The following PCDHA12 variants were observed in gnomAD, a reference collection of about 807,000 sequenced individuals.
PCDHA12 encodes the protein protocadherin alpha 12, also known as protocadherin alpha-12.
A neutral mutation model predicts 60.0 loss-of-function variants in PCDHA12; 44 were observed. The ratio of observed to expected loss-of-function variants is 0.73; its 90% CI spans 0.58 to 0.94. The LOEUF (loss-of-function observed/expected upper bound fraction) is 0.94, where lower values mean the gene tolerates loss of function less well. Ranked by LOEUF, PCDHA12 falls within the 40% of genes least tolerant of loss-of-function variation. The pLI, the probability that PCDHA12 is intolerant of heterozygous loss-of-function variation, is 0.00. For synonymous variants in PCDHA12, 569 were observed against 553.0 expected, an observed-to-expected ratio of 1.03 and a Z score of -0.40; for missense variants, 1,276 against 1,239.7, an observed-to-expected ratio of 1.03 and a Z score of -0.44.
At chr5:140,955,669 G>C (rs1031483633) in intron 1 of PCDHA12, among the ~76,000 whole-genome samples, 2 of 152,094 alleles carry the variant, frequency 1.3e-5, no homozygotes, top group African/African-American at 4.8e-5. Flanking sequence ...TTTTAACATA[G>C]TTTTTTCGAA....
intron 1 of PCDHA12, chr5:140,882,766 G>T: frequency 1.2e-6 from 2 of 1,614,184 alleles, no homozygotes; most frequent in South Asian, 2.2e-5. Context: ...GAGTAAACTC[G>T]GCATTGACCT....
chr5:140,977,890 A>C (rs1554238866), intron 1 of PCDHA12, among the ~76,000 whole-genome samples: 3 of 152,234 alleles, frequency 2.0e-5, no homozygotes, highest in Non-Finnish European at 4.4e-5. Flanking sequence ...AGGAAAATAC[A>C]AAATACAACT....
At chr5:140,913,749 G>T (rs1166280044) in intron 1 of PCDHA12, among the ~76,000 whole-genome samples, 22 of 152,098 alleles carry the variant, frequency 1.4e-4, no homozygotes, top group Middle Eastern at 3.4e-3. Context: ...TCCTTTTGTT[G>T]TATCTCATAG....
intron 1 of PCDHA12, among the ~76,000 whole-genome samples, chr5:140,925,170 A>G (rs2153576816): frequency 6.6e-6 from 1 of 152,194 alleles, no homozygotes; most frequent in East Asian, 1.9e-4. Flanking sequence ...TGTGTAATTG[A>G]CCCCAATGTA....
In PCDHA12 at chr5:140,969,008, G is replaced by C. The variant is rs782541476; in HGVS notation, c.2368-9941G>C. 29 of 1,614,076 alleles carry C rather than the reference G, an allele frequency of 1.8e-5. 1 individual carries two copies. In the Admixed American group the frequency reaches 4.8e-4, roughly 27 times the overall value. Reference sequence around the variant, plus strand: ...TGCATGCTGTGGAGGCTTCTGTGGAGTAAGGGAAAGGTCCCCTGCAGAACT... The same window carrying C: ...TGCATGCTGTGGAGGCTTCTGTGGACTAAGGGAAAGGTCCCCTGCAGAACT... On this transcript the variant is annotated intron_variant, in intron 1 of 3. Coordinates refer to ENST00000398631, the MANE Select transcript of PCDHA12 (RefSeq NM_018903.4).
chr5:141,002,853 G>C (rs781830862), intron 3 of PCDHA12, among the ~76,000 whole-genome samples: 1 of 152,184 alleles, frequency 6.6e-6, no homozygotes, highest in Non-Finnish European at 1.5e-5. Context: ...ACTAGTGAGA[G>C]AACCAGGGCA....
intron 1 of PCDHA12, chr5:140,969,449 AG>A (rs1470034134): frequency 2.8e-5 from 43 of 1,510,842 alleles, no homozygotes; most frequent in Non-Finnish European, 3.2e-5. Flanking sequence ...TGGTAAACTG[AG>A]TATATATAGT....
chr5:140,923,152 T>C (rs2153567399), intron 1 of PCDHA12, among the ~76,000 whole-genome samples: 1 of 152,204 alleles, frequency 6.6e-6, no homozygotes, highest in South Asian at 2.1e-4. Context: ...TAAAAAAAAT[T>C]ATAGAAAGAT....
chr5:140,975,752 A>G (rs577986836), intron 1 of PCDHA12, among the ~76,000 whole-genome samples: 2 of 152,320 alleles, frequency 1.3e-5, no homozygotes, highest in East Asian at 1.9e-4. Flanking sequence ...CAAATATTCT[A>G]TGTCATAAAT....
chr5:140,928,105 C>T, intron 1 of PCDHA12: 6 of 1,614,150 alleles, frequency 3.7e-6, no homozygotes, highest in Middle Eastern at 1.6e-4. Flanking sequence ...GCCCCTGGAC[C>T]GGGAGCAGAT....
chr5:140,876,531 T>G lies in PCDHA12; in HGVS notation c.1059T>G (p.Thr353=). Residue 353 remains threonine (T), a synonymous_variant, in exon 1 of 4, where the codon ACT becomes ACG. Coordinates refer to ENST00000398631, the MANE Select transcript of PCDHA12 (RefSeq NM_018903.4). The stretch of plus-strand genomic sequence containing the variant: ...ACAATGTCCCTGAAGTAATGGTTAC[T>G]TCACTGTCGCTCCCTGTGCAAGAGG... The part of the protein sequence containing the change: ...VNDNVPEVMV[T]SLSLPVQEDA... The G allele has an allele frequency of 6.2e-7, 1 of 1,614,200 alleles. No individual in the cohort carries two copies. Among genetic ancestry groups the G allele is most frequent in the South Asian group, 1.1e-5 (1 of 91,082 alleles).
rs73793540 is a variant in PCDHA12, at chr5:140,959,705, G to T, written c.2368-19244G>T. 8.9e-3 allele frequency among the ~76,000 whole-genome samples: 1,358 copies of T among 152,238 alleles called. 14 individuals are homozygous for T. The highest frequency in any genetic ancestry group is 0.032 in the African/African-American group (1,312 of 41,544). On this transcript the variant is annotated intron_variant, in intron 1 of 3. Coordinates refer to ENST00000398631, the MANE Select transcript of PCDHA12 (RefSeq NM_018903.4). ...AATTTCAATAAAATGAGCTTTGAAA[G>T]GGAAAATTTTTAGATAACATTATCT...
intron 1 of PCDHA12, among the ~76,000 whole-genome samples, chr5:140,978,421 T>C (rs969808613): frequency 2.0e-5 from 3 of 152,236 alleles, no homozygotes; most frequent in Non-Finnish European, 4.4e-5. Flanking sequence ...AAAGAGACTG[T>C]TATCAGTTGC....
intron 1 of PCDHA12, among the ~76,000 whole-genome samples, chr5:140,886,698 C>A (rs578140955): frequency 2.0e-5 from 3 of 151,820 alleles, no homozygotes; most frequent in Non-Finnish European, 4.4e-5. Flanking sequence ...TGGTGGCACG[C>A]GCCTGTAATC....
At chr5:140,930,527 A>C (rs73793525) in intron 1 of PCDHA12, 8,511 of 152,566 alleles carry the variant, frequency 0.056, 704 homozygotes, top group African/African-American at 0.18. Context: ...CTGGCCCTCA[A>C]ACTTCTTGAG....
chr5:140,881,283 A>T, intron 1 of PCDHA12: 1 of 799,388 alleles, frequency 1.3e-6, no homozygotes, highest in Non-Finnish European at 1.5e-6. Flanking sequence ...TAAGATGGAG[A>T]GAGAAAATGG....
At chr5:140,892,998 AT>A (rs2063775886) in intron 1 of PCDHA12, among the ~76,000 whole-genome samples, 1 of 152,170 alleles carries the variant, frequency 6.6e-6, no homozygotes, top group South Asian at 2.1e-4. Context: ...GAGAACATGT[AT>A]TTATTTTTCT....
chr5:140,884,549 G>A (rs782470468), intron 1 of PCDHA12: 3 of 1,614,016 alleles, frequency 1.9e-6, no homozygotes, highest in African/African-American at 1.3e-5. Context: ...GGTGTGCTCT[G>A]GGGAGGGCCC....
At chr5:140,938,209 G>C (rs1210350140) in intron 1 of PCDHA12, among the ~76,000 whole-genome samples, 1 of 152,160 alleles carries the variant, frequency 6.6e-6, no homozygotes, top group Admixed American at 6.5e-5. Flanking sequence ...GCCTCCCAAA[G>C]TGCTGGGATT....
Sources: allele counts gnomAD v4.1 joint callset (sites outside exome capture counted in the v4.1 genomes callset), GRCh38; gene constraint gnomAD v4.1.1; transcripts MANE v1.5; gene names NCBI Gene and HGNC (gene_info 2026-07-23, HGNC 2026-07-21).